Variants in ATP11B observed in about 807,000 individuals in gnomAD.
The protein encoded by ATP11B is phospholipid-transporting ATPase IF.
A neutral mutation model predicts 157.8 loss-of-function variants in ATP11B; 81 were observed. The ratio of observed to expected loss-of-function variants is 0.51; its 90% CI spans 0.43 to 0.62. The LOEUF (loss-of-function observed/expected upper bound fraction) is 0.62, where lower values mean the gene tolerates loss of function less well. Ranked by LOEUF, ATP11B falls within the 20% of genes least tolerant of loss-of-function variation. ATP11B has a pLI of 0.00. For synonymous variants in ATP11B, 451 were observed against 469.4 expected (o/e 0.96, Z 0.51); for missense variants, 1,165 against 1,402.2 (o/e 0.83, Z 2.70).
At chr3:182,855,376 A>G (rs962089769) in intron 10 of ATP11B, among the ~76,000 whole-genome samples, 3 of 152,254 alleles carry the variant, frequency 2.0e-5, no homozygotes, top group African/African-American at 2.4e-5. Flanking sequence ...CCAAACCCCC[A>G]CTGTATGTAA....
intron 14 of ATP11B, among the ~76,000 whole-genome samples, chr3:182,866,854 AATTATT>A (rs63093361): frequency 6.8e-6 from 1 of 146,538 alleles, no homozygotes; most frequent in Non-Finnish European, 1.5e-5. Context: ...AATAAATAAA[AATTATT>A]ATATATAACA....
At chr3:182,819,421 G>A (rs1487817468) in intron 1 of ATP11B, among the ~76,000 whole-genome samples, 5 of 152,122 alleles carry the variant, frequency 3.3e-5, no homozygotes, top group African/African-American at 1.2e-4. Flanking sequence ...ATGTTAAAGT[G>A]TCTTGAAGGT....
At chr3:182,869,605 G>A (rs890707161) in intron 17 of ATP11B, among the ~76,000 whole-genome samples, 1 of 152,142 alleles carries the variant, frequency 6.6e-6, no homozygotes, top group Admixed American at 6.6e-5. Flanking sequence ...AAACATAGGG[G>A]AATCCTAATG....
intron 1 of ATP11B, among the ~76,000 whole-genome samples, chr3:182,804,941 G>A (rs1218788609): frequency 6.6e-6 from 1 of 151,260 alleles, no homozygotes; most frequent in Non-Finnish European, 1.5e-5. Context: ...CTTCTATGTT[G>A]TAGCATGTAT....
chr3:182,867,581 T>A, intron 15 of ATP11B, 137 bp downstream of exon 15: 5 of 314,560 alleles, frequency 1.6e-5, no homozygotes, highest in East Asian at 6.9e-5. Flanking sequence ...TCACATTACT[T>A]TTTTTTTTTT....
At chr3:182,795,325 T>C (rs1260900334) in intron 1 of ATP11B, among the ~76,000 whole-genome samples, 1 of 152,222 alleles carries the variant, frequency 6.6e-6, no homozygotes, top group Non-Finnish European at 1.5e-5. Context: ...TTTTGTGTGG[T>C]AGGAAGATCA....
intron 21 of ATP11B, among the ~76,000 whole-genome samples, chr3:182,882,228 T>C (rs73052511): frequency 0.12 from 18,330 of 152,198 alleles, 1,240 homozygotes; most frequent in African/African-American, 0.18. Context: ...TAATTAATTC[T>C]TCATTTTGAA....
At chr3:182,855,291 T>C (rs1185097305) in intron 10 of ATP11B, among the ~76,000 whole-genome samples, 2 of 152,090 alleles carry the variant, frequency 1.3e-5, no homozygotes, top group Admixed American at 6.6e-5. Context: ...ACAAAAGCAA[T>C]ACAATAGAGG....
chr3:182,841,121 C>G (rs1473074197), intron 7 of ATP11B, among the ~76,000 whole-genome samples: 1 of 152,186 alleles, frequency 6.6e-6, no homozygotes, highest in Non-Finnish European at 1.5e-5. Context: ...AGACCTAGCC[C>G]TTGTCTAACT....
intron 12 of ATP11B, among the ~76,000 whole-genome samples, chr3:182,861,453 G>A (rs982065277): frequency 6.6e-6 from 1 of 152,164 alleles, no homozygotes; most frequent in Non-Finnish European, 1.5e-5. Flanking sequence ...AATAAATACG[G>A]CACTTACCTG....
chr3:182,885,311 T>C (rs1722726730), intron 22 of ATP11B, among the ~76,000 whole-genome samples: 1 of 152,164 alleles, frequency 6.6e-6, no homozygotes, highest in African/African-American at 2.4e-5. Flanking sequence ...TGTTGAAATA[T>C]TGTCCTATCT....
intron 29 of ATP11B, chr3:182,916,847 C>T (rs908051475): frequency 1.9e-5 from 19 of 983,160 alleles, no homozygotes; most frequent in Middle Eastern, 5.2e-4. Flanking sequence ...AATTGGAGTA[C>T]TGATAGCTGT....
At chr3:182,814,927 G>A (rs1405144639) in intron 1 of ATP11B, among the ~76,000 whole-genome samples, 1 of 152,160 alleles carries the variant, frequency 6.6e-6, no homozygotes, top group East Asian at 1.9e-4. Flanking sequence ...CATAACACAT[G>A]CCTTCCTTTG....
At chr3:182,818,238 T>A (rs1166061078) in intron 1 of ATP11B, among the ~76,000 whole-genome samples, 2 of 152,220 alleles carry the variant, frequency 1.3e-5, no homozygotes, top group Non-Finnish European at 2.9e-5. Context: ...TGTTTATAGG[T>A]AAACTTCCTG....
At chr3:182,830,674 A>G (rs2108506221) in intron 4 of ATP11B, among the ~76,000 whole-genome samples, 1 of 152,346 alleles carries the variant, frequency 6.6e-6, no homozygotes, top group African/African-American at 2.4e-5. Flanking sequence ...ACATGGAAAT[A>G]AAATTGACAA....
intron 22 of ATP11B, 65 bp from the exon 23 acceptor site, chr3:182,885,886 T>A (rs867055948): frequency 8.5e-6 from 10 of 1,171,440 alleles, no homozygotes; most frequent in African/African-American, 1.7e-5. Context: ...CCATTTTTTT[T>A]ATTTTTTATT....
chr3:182,822,484 A>C (rs1052618732), intron 2 of ATP11B, among the ~76,000 whole-genome samples: 3 of 152,174 alleles, frequency 2.0e-5, no homozygotes, highest in African/African-American at 7.2e-5. Context: ...TCCATGGTGT[A>C]TATGTGCCAC....
intron 2 of ATP11B, among the ~76,000 whole-genome samples, chr3:182,824,316 T>C (rs1438653212): frequency 6.6e-6 from 1 of 152,180 alleles, no homozygotes; most frequent in Non-Finnish European, 1.5e-5. Flanking sequence ...ACTCTAATCT[T>C]GGTTACATGT....
At chr3:182,884,923 AT>A in intron 22 of ATP11B, 25 bp downstream of exon 22, 1 of 1,230,620 alleles carries the variant, frequency 8.1e-7, no homozygotes. Context: ...TTTAGAATCA[AT>A]TATTGATATA....
Sources: gnomAD v4.1 joint callset for allele counts (sites outside exome capture counted in the v4.1 genomes callset) on GRCh38, gnomAD v4.1.1 for gene constraint, MANE v1.5 for transcripts, NCBI Gene and HGNC (gene_info 2026-07-23, HGNC 2026-07-21) for gene names.